Variants in RAI14 observed in about 807,000 individuals in gnomAD.
RAI14 encodes the protein retinoic acid induced 14.
A neutral mutation model predicts 115.4 loss-of-function variants in RAI14; 45 were observed. That is an observed-to-expected ratio of 0.39 (90% CI 0.31 to 0.50). The LOEUF (loss-of-function observed/expected upper bound fraction) is 0.50, where lower values mean the gene tolerates loss of function less well. RAI14 is among the 20% of genes least tolerant of loss of function. RAI14 has a pLI of 0.85. For missense variants in RAI14, 939 were observed against 1,131.2 expected (o/e 0.83, Z 2.44); for synonymous variants, 371 against 415.4 (o/e 0.89, Z 1.30).
At chr5:34,815,709 A>G (rs112152947) in intron 12 of RAI14, among the ~76,000 whole-genome samples, 19,163 of 152,212 alleles carry the variant, frequency 0.13, 1,679 homozygotes, top group Non-Finnish European at 0.18. Flanking sequence ...GATAAAAGGA[A>G]TAAGTTCAAG....
At chr5:34,707,785 C>G (rs1467698948) in intron 2 of RAI14, among the ~76,000 whole-genome samples, 1 of 152,196 alleles carries the variant, frequency 6.6e-6, no homozygotes, top group Admixed American at 6.5e-5. Flanking sequence ...GAATCTGGTC[C>G]TACTGTAAGT....
chr5:34,669,689 C>T lies in RAI14; in HGVS notation c.-49+13214C>T, dbSNP rs140798673. On this transcript the variant is annotated intron_variant, in intron 1 of 17. Coordinates refer to ENST00000265109, the MANE Select transcript of RAI14 (RefSeq NM_015577.3). ...TGTATAATATCAGTGTTTAGATTGT[C>T]CTGAAGAATTGCAGTATTTTCTTTT... Among the ~76,000 whole-genome samples the T allele has an allele frequency of 2.5e-4, 38 of 152,222 alleles. No homozygotes were observed. In the South Asian group the frequency reaches 5.6e-3, roughly 22 times the overall value.
intron 3 of RAI14, among the ~76,000 whole-genome samples, chr5:34,788,062 A>G (rs1752525757): frequency 6.6e-6 from 1 of 151,514 alleles, no homozygotes; most frequent in Non-Finnish European, 1.5e-5. Flanking sequence ...GACTACAAGC[A>G]TGTGCTACCA....
intron 1 of RAI14, among the ~76,000 whole-genome samples, chr5:34,685,301 A>G (rs1177581989): frequency 6.6e-6 from 1 of 152,156 alleles, no homozygotes; most frequent in African/African-American, 2.4e-5. Flanking sequence ...GTAAAACTGT[A>G]TAGGGCATTG....
At chr5:34,790,049 C>G (rs997289651) in intron 3 of RAI14, among the ~76,000 whole-genome samples, 1 of 152,144 alleles carries the variant, frequency 6.6e-6, no homozygotes, top group Non-Finnish European at 1.5e-5. Flanking sequence ...GAATAAGAAC[C>G]AGAGACCCTG....
chr5:34,753,821 G>A (rs1747486292), intron 2 of RAI14, among the ~76,000 whole-genome samples: 1 of 151,820 alleles, frequency 6.6e-6, no homozygotes, highest in African/African-American at 2.4e-5. Context: ...GGCTGAGGCA[G>A]GAAAATCGCT....
chr5:34,698,176 T>TCC (rs1739561887), intron 2 of RAI14, among the ~76,000 whole-genome samples: 1 of 10,210 alleles, frequency 9.8e-5, no homozygotes, highest in Non-Finnish European at 1.9e-4. Flanking sequence ...CCCTCCTCCC[T>TCC]TCCCCTCCTC....
At chr5:34,727,131 A>C (rs1743566165) in intron 2 of RAI14, among the ~76,000 whole-genome samples, 1 of 152,162 alleles carries the variant, frequency 6.6e-6, no homozygotes, top group Non-Finnish European at 1.5e-5. Context: ...TGGACAATGA[A>C]GTCTAGGCTG....
intron 2 of RAI14, among the ~76,000 whole-genome samples, chr5:34,751,079 G>C (rs551994046): frequency 1.3e-5 from 2 of 150,960 alleles, no homozygotes; most frequent in South Asian, 4.2e-4. Context: ...TCGAACTCCC[G>C]AACTCAGGTG....
chr5:34,687,244 TA>T (rs1737953602), intron 2 of RAI14, among the ~76,000 whole-genome samples: 1 of 152,192 alleles, frequency 6.6e-6, no homozygotes. Flanking sequence ...GAAGAATCAG[TA>T]AAAACCTCAA....
intron 2 of RAI14, among the ~76,000 whole-genome samples, chr5:34,699,825 A>C (rs1453924668): frequency 6.6e-6 from 1 of 152,224 alleles, no homozygotes; most frequent in African/African-American, 2.4e-5. Context: ...CCAGCCGGCC[A>C]AGTAAAGGCC....
intron 2 of RAI14, among the ~76,000 whole-genome samples, chr5:34,736,048 C>T (rs768576398): frequency 2.0e-5 from 3 of 152,204 alleles, no homozygotes; most frequent in African/African-American, 4.8e-5. Context: ...CAGCAGGTCT[C>T]GATAGGTGGT....
rs1200704979 is a variant in RAI14, at chr5:34,795,953, C to G, written c.182C>G (p.Ala61Gly). The G allele has an allele frequency of 1.9e-6, 3 of 1,612,932 alleles. No individual in the cohort carries two copies. The change falls in exon 4 of 18, where the codon GCT (alanine) becomes GGT (glycine). Residue 61 changes from alanine to glycine, a missense_variant. Transcript: ENST00000265109. ...TCTCTTTCCAGTTTCCATCTTGCTGCTGCAAAAGGACACGTGGAATGCCTC... is the reference window on the plus strand; with the variant it reads ...TCTCTTTCCAGTTTCCATCTTGCTGGTGCAAAAGGACACGTGGAATGCCTC... ...SEGKTAFHLA[A>G]AKGHVECLRV... is the part of the protein sequence containing the mutation.
chr5:34,752,521 A>G (rs1376627138), intron 2 of RAI14, among the ~76,000 whole-genome samples: 2 of 151,892 alleles, frequency 1.3e-5, no homozygotes, highest in Non-Finnish European at 2.9e-5. Context: ...CAGGGACGCA[A>G]TGGAGTAGAG....
At chr5:34,811,736 G>T in intron 8 of RAI14, 31 bp from the exon 9 acceptor site, 1 of 1,567,630 alleles carries the variant, frequency 6.4e-7, no homozygotes, top group South Asian at 1.2e-5. Context: ...CATTCTCTTA[G>T]TACTAATTTT....
chr5:34,664,086 G>A (rs1742914431), intron 1 of RAI14, among the ~76,000 whole-genome samples: 1 of 152,174 alleles, frequency 6.6e-6, no homozygotes, highest in Admixed American at 6.5e-5. Context: ...TAAATAAGCA[G>A]AATCTAGTTG....
chr5:34,763,919 C>T (rs1049829116), intron 3 of RAI14, among the ~76,000 whole-genome samples: 6 of 152,102 alleles, frequency 3.9e-5, no homozygotes, highest in South Asian at 4.1e-4. Context: ...GGAGTGGTTT[C>T]GGCTCACTGC....
intron 2 of RAI14, among the ~76,000 whole-genome samples, chr5:34,694,270 A>G (rs925705141): frequency 1.3e-5 from 2 of 152,172 alleles, no homozygotes; most frequent in African/African-American, 4.8e-5. Context: ...TAGTTTGACA[A>G]ATTCTTCTAT....
At chr5:34,792,621 C>G (rs958137184) in intron 3 of RAI14, among the ~76,000 whole-genome samples, 1 of 152,310 alleles carries the variant, frequency 6.6e-6, no homozygotes, top group African/African-American at 2.4e-5. Flanking sequence ...ACACAACAAA[C>G]ACCTGGATGT....
Sources: gnomAD v4.1 joint callset for allele counts (sites outside exome capture counted in the v4.1 genomes callset) on GRCh38, gnomAD v4.1.1 for gene constraint, MANE v1.5 for transcripts, NCBI Gene and HGNC (gene_info 2026-07-23, HGNC 2026-07-21) for gene names.